TASOR: variants seen among roughly 807,000 people sequenced by gnomAD.
The protein encoded by TASOR is transcription activation suppressor, also known as protein TASOR.
In TASOR, 53 loss-of-function variants were observed where a neutral mutation model predicts 178.6. That is an observed-to-expected ratio of 0.30 (90% CI 0.24 to 0.37). The LOEUF (loss-of-function observed/expected upper bound fraction) is 0.37. TASOR is among the 10% of genes least tolerant of loss of function. The probability of loss-of-function intolerance (pLI) is 1.00; values close to 1 mark genes in which losing one functional copy is unlikely to be tolerated. For synonymous variants in TASOR, 713 were observed against 696.2 expected, an observed-to-expected ratio of 1.02 and a Z score of -0.38; for missense variants, 1,815 against 1,971.4, an observed-to-expected ratio of 0.92 and a Z score of 1.50.
chr3:56,675,923 G>A (rs1385596563), intron 1 of TASOR, among the ~76,000 whole-genome samples: 2 of 152,120 alleles, frequency 1.3e-5, no homozygotes, highest in Non-Finnish European at 2.9e-5. Context: ...CTGTAAAAAC[G>A]TAGTTTTCAA....
chr3:56,669,088 T>G (rs1268562002), intron 5 of TASOR, among the ~76,000 whole-genome samples: 1 of 151,702 alleles, frequency 6.6e-6, no homozygotes, highest in East Asian at 1.9e-4. Context: ...TAATAACAAG[T>G]AAATAGAAAC....
At chr3:56,653,262 C>CAAAAAAAAAAAAA (rs1176419181) in intron 11 of TASOR, among the ~76,000 whole-genome samples, 8 of 4,970 alleles carry the variant, frequency 1.6e-3, no homozygotes, top group Non-Finnish European at 2.8e-3. Flanking sequence ...GACTCCATCT[C>CAAAAAAAAAAAAA]AAAAAAAAAA....
rs80118029 is a variant in TASOR, at chr3:56,637,527, GA to G, written c.2824+1178del. 2.5e-3 allele frequency among the ~76,000 whole-genome samples: 360 copies of G among 141,842 alleles called. 12 individuals are homozygous for G. The South Asian group carries it at 0.061, about 24-fold the overall frequency. The allele number at this position is 141,842 out of a possible 152,430, so 93.1% of individuals were successfully genotyped here. On this transcript the variant is annotated intron_variant, in intron 17 of 23. Transcript: ENST00000683822. ...CAGAGAGAGATTCTGTATCAGAGGG[GA>G]AAAAAAAAAAGATTTGTGAACTTTC...
At position 56,624,813 on chromosome 3, in the gene TASOR, G is replaced by A. The variant is rs768301507; in HGVS notation, c.4318+15C>T. 6.2e-7 allele frequency: 1 copy of A among 1,612,450 alleles called. No homozygotes were observed. Among genetic ancestry groups the A allele is most frequent in the African/African-American group, 1.3e-5 (1 of 74,814 alleles). On this transcript the variant is annotated intron_variant, in intron 22 of 23. Coordinates refer to ENST00000683822, the MANE Select transcript of TASOR (RefSeq NM_001365635.2). The stretch of plus-strand genomic sequence containing the variant: ...CCTATATTCATAGTAGAAAGCTTAG[G>A]AGTGCTCTCTTTACCTGTTAAAAAG...
intron 18 of TASOR, among the ~76,000 whole-genome samples, chr3:56,631,522 G>A (rs2076910501): frequency 6.6e-6 from 1 of 151,272 alleles, no homozygotes; most frequent in Non-Finnish European, 1.5e-5. Flanking sequence ...ACAAACTTAC[G>A]TATCTATGTC....
rs2076844834 is a variant in TASOR, at chr3:56,628,594, G to A, written c.3768C>T (p.Gly1256=). ...ACTGTTCAGGATGACATTCTGTATT[G>A]CCTAATTTGATAAGATATTCCTGTT... The part of the protein sequence containing the change: ...KEIKEYLIKL[G]NTECHPEQFL... Residue 1256 remains glycine (G), a synonymous_variant, in exon 19 of 24, where the codon GGC becomes GGT. Transcript: ENST00000683822. 6.4e-7 allele frequency: 1 copy of A among 1,562,640 alleles called. No homozygotes were observed. Among genetic ancestry groups the A allele is most frequent in the African/African-American group, 1.4e-5 (1 of 73,638 alleles).
chr3:56,623,984 G>T (rs1014270463), intron 23 of TASOR: 6 of 654,556 alleles, frequency 9.2e-6, no homozygotes, highest in Non-Finnish European at 1.2e-5. Context: ...AAAAACAAAA[G>T]TACATCTTTC....
rs199967558 is a variant in TASOR at position 56,623,011 on chromosome 3, A to C, written c.*26T>G. 9 of 1,416,368 alleles carry C rather than the reference A, an allele frequency of 6.4e-6. No individual in the cohort carries two copies. Among genetic ancestry groups the C allele is most frequent in the Non-Finnish European group, 7.6e-6 (8 of 1,056,648 alleles). 87.7% of individuals were successfully genotyped at this position (1,416,368 alleles called of 1,614,324 possible). A position where few individuals can be genotyped will look rare whatever the true frequency, so the allele number is the denominator to read the frequency against. On this transcript the variant is annotated 3_prime_UTR_variant, in exon 24 of 24. Transcript: ENST00000683822. ...TTGTTAATAAACAAAGTCCACAACA[A>C]TCTCTTAAAAAAAAAGTTACTACAG...
Position 56,640,063 on chromosome 3 carries a change from T to C in TASOR, c.2687A>G (p.His896Arg). 12 of 1,613,378 alleles carry C rather than the reference T, an allele frequency of 7.4e-6. No homozygotes were observed. Among genetic ancestry groups the C allele is most frequent in the Non-Finnish European group, 1.0e-5 (12 of 1,179,532 alleles). ...CSLCPSVPIE[H>R]GFRRQQSKSN... ...CTTAGACTGTTGTCTACGAAATCCA[T>C]GTTCAATGGGAACACTGGGACACAA... Residue 896 changes from histidine (H) to arginine (R), a missense_variant, in exon 16 of 24, where the codon CAT becomes CGT. Coordinates refer to ENST00000683822, the MANE Select transcript of TASOR (RefSeq NM_001365635.2).
chr3:56,678,616 C>A (rs2031528761), intron 1 of TASOR, among the ~76,000 whole-genome samples: 1 of 152,160 alleles, frequency 6.6e-6, no homozygotes. Flanking sequence ...GGTGTTAAGG[C>A]AGATCTTTTT....
At chr3:56,679,014 A>G (rs2107645289) in intron 1 of TASOR, among the ~76,000 whole-genome samples, 1 of 152,058 alleles carries the variant, frequency 6.6e-6, no homozygotes, top group South Asian at 2.1e-4. Flanking sequence ...ACTCCAAAAA[A>G]AAAAAAAAAA....
At chr3:56,628,810 G>A (rs563902578) in intron 18 of TASOR, 196 bp from the exon 19 acceptor site, 1 of 394,602 alleles carries the variant, frequency 2.5e-6, no homozygotes, top group South Asian at 3.5e-5. Context: ...GCCCAGGCTG[G>A]AGTATAGCAG....
chr3:56,628,347 G>A lies in TASOR; in HGVS notation c.3870+145C>T, dbSNP rs548513559. ...TAAAATTTTGCATAGGTACAAACTT[G>A]AATCTCACAAGCTGATTCACAGATG... is the stretch of plus-strand genomic sequence containing the variant. On this transcript the variant is annotated intron_variant, in intron 19 of 23. Coordinates refer to ENST00000683822, the MANE Select transcript of TASOR (RefSeq NM_001365635.2). 20 of 706,064 alleles carry A rather than the reference G, an allele frequency of 2.8e-5. No homozygotes were observed. In the African/African-American group the frequency reaches 3.5e-4, roughly 12 times the overall value. The allele number at this position is 706,064 out of a possible 1,614,324, so 43.7% of individuals were successfully genotyped here.
intron 3 of TASOR, 44 bp downstream of exon 3, chr3:56,671,556 T>A (rs752976061): frequency 1.2e-5 from 17 of 1,380,752 alleles, no homozygotes; most frequent in Non-Finnish European, 1.7e-5. Flanking sequence ...TAACTTACAA[T>A]GGAAACATCC....
rs2077249436 is a variant in TASOR, at chr3:56,646,945, T to C, written c.1792A>G (p.Ile598Val). The C allele has an allele frequency of 6.2e-7, 1 of 1,612,108 alleles. No individual in the cohort carries two copies. Among genetic ancestry groups the C allele is most frequent in the African/African-American group, 1.3e-5 (1 of 74,936 alleles). Residue 598 changes from isoleucine to valine, a missense_variant, in exon 14 of 24, where the codon ATT becomes GTT. Ile to Val is a conservative substitution (Grantham distance 29, BLOSUM62 3). Transcript: ENST00000683822. ...LYSAPRNKSH[I>V]DTCLHAYIFR... ...ATATAGGCATGCAAACAAGTATCAA[T>C]ATGGGATTTATTTCTGGGAGCTGAG...
At chr3:56,642,159 T>C (rs1691691643) in intron 14 of TASOR, among the ~76,000 whole-genome samples, 1 of 152,222 alleles carries the variant, frequency 6.6e-6, no homozygotes, top group African/African-American at 2.4e-5. Context: ...CAATTTGATT[T>C]CTATCTTTTC....
At chr3:56,682,624 G>A in intron 1 of TASOR, 52 bp downstream of exon 1, 1 of 1,400,054 alleles carries the variant, frequency 7.1e-7, no homozygotes, top group Non-Finnish European at 9.5e-7. Context: ...AGATTCTAAT[G>A]AAAAGATGGA....
intron 11 of TASOR, among the ~76,000 whole-genome samples, chr3:56,659,386 C>T (rs2107607408): frequency 6.6e-6 from 1 of 152,310 alleles, no homozygotes. Flanking sequence ...TCTCTCCAAC[C>T]ACCTCCTCGC....
At chr3:56,646,105 G>A (rs192965049) in intron 14 of TASOR, among the ~76,000 whole-genome samples, 1 of 152,158 alleles carries the variant, frequency 6.6e-6, no homozygotes, top group African/African-American at 2.4e-5. Flanking sequence ...CCGAGATCAT[G>A]CCACTACACT....
Sources: allele counts gnomAD v4.1 joint callset (sites outside exome capture counted in the v4.1 genomes callset), GRCh38; gene constraint gnomAD v4.1.1; transcripts MANE v1.5; gene names NCBI Gene and HGNC (gene_info 2026-07-23, HGNC 2026-07-21).